The following ATP8A2 variants were observed in gnomAD, a reference collection of about 807,000 sequenced individuals.
ATP8A2 encodes the protein ATPase phospholipid transporting 8A2.
A neutral mutation model predicts 165.6 loss-of-function variants in ATP8A2; 100 were observed. The ratio of observed to expected loss-of-function variants is 0.60; its 90% CI spans 0.51 to 0.71. The LOEUF (loss-of-function observed/expected upper bound fraction) is 0.71, where lower values mean the gene tolerates loss of function less well. ATP8A2 is among the 30% of genes least tolerant of loss of function. The pLI is 0.00. For missense variants in ATP8A2, 1,227 were observed against 1,479.5 expected (o/e 0.83, Z 2.80); for synonymous variants, 543 against 548.8 (o/e 0.99, Z 0.15).
intron 35 of ATP8A2, among the ~76,000 whole-genome samples, chr13:25,977,026 T>TCCCCCCCCACCCCCACCC (rs1566319946): frequency 1.1e-4 from 14 of 125,364 alleles, no homozygotes; most frequent in African/African-American, 2.9e-4. Context: ...GACCTTGTGA[T>TCCCCCCCCACCCCCACCC]CCACCCCCAC....
intron 24 of ATP8A2, among the ~76,000 whole-genome samples, chr13:25,600,120 A>T (rs2040343083): frequency 1.3e-5 from 2 of 152,212 alleles, no homozygotes; most frequent in Admixed American, 1.3e-4. Flanking sequence ...TAGGGCAGGG[A>T]TTGGCAAAGT....
rs1957144553 is a variant in ATP8A2 at position 26,025,134 on chromosome 13, A to G, written c.*5149A>G. On this transcript the variant is annotated 3_prime_UTR_variant, in exon 37 of 37. Coordinates refer to ENST00000381655, the MANE Select transcript of ATP8A2 (RefSeq NM_016529.6). ...ACAACAACAAAAAAAAAAAAAAAAA[A>G]AAAGGAAGAAAAGAAAAAAAGGAAA... The G allele has an allele frequency of 6.6e-6, 1 of 151,706 alleles. No individual in the cohort carries two copies. The allele number at this position is 151,706 out of a possible 1,614,324, so 9.4% of individuals were successfully genotyped here. A position where few individuals can be genotyped will look rare whatever the true frequency, so the allele number is the denominator to read the frequency against.
chr13:25,837,437 ACACAC>A (rs1462478047), intron 29 of ATP8A2, 152 bp downstream of exon 29: 3 of 512,936 alleles, frequency 5.8e-6, no homozygotes, highest in Non-Finnish European at 3.3e-6. Flanking sequence ...ACACACACAC[ACACAC>A]ACACACACAC....
At chr13:25,900,843 G>A (rs953776354) in intron 33 of ATP8A2, among the ~76,000 whole-genome samples, 4 of 152,168 alleles carry the variant, frequency 2.6e-5, no homozygotes, top group African/African-American at 7.2e-5. Flanking sequence ...TGGAAAACAC[G>A]GGAGAAGAGG....
chr13:25,853,418 TATATAG>T (rs1381881614), intron 30 of ATP8A2, among the ~76,000 whole-genome samples: 5 of 144,744 alleles, frequency 3.5e-5, no homozygotes, highest in African/African-American at 1.0e-4. Context: ...TATGTATATA[TATATAG>T]AATTTCTTAT....
At chr13:26,001,433 A>G (rs1593697714) in intron 35 of ATP8A2, among the ~76,000 whole-genome samples, 1 of 152,200 alleles carries the variant, frequency 6.6e-6, no homozygotes, top group East Asian at 1.9e-4. Flanking sequence ...TTCTGTGTCT[A>G]ACTTACCAAG....
At chr13:25,471,368 G>A (rs1482937564) in intron 2 of ATP8A2, among the ~76,000 whole-genome samples, 1 of 117,934 alleles carries the variant, frequency 8.5e-6, no homozygotes, top group Non-Finnish European at 1.8e-5. Flanking sequence ...TTTTTTTTTT[G>A]GAGATGGAGT....
chr13:25,703,232 A>G (rs1035069650), intron 25 of ATP8A2, among the ~76,000 whole-genome samples: 2 of 152,010 alleles, frequency 1.3e-5, no homozygotes, highest in African/African-American at 4.8e-5. Context: ...GGCGCACACC[A>G]CTATGCCCAA....
chr13:25,590,145 C>G (rs1423517491), intron 24 of ATP8A2, among the ~76,000 whole-genome samples: 3 of 152,128 alleles, frequency 2.0e-5, no homozygotes, highest in Non-Finnish European at 4.4e-5. Context: ...TATAGTGAGG[C>G]CAGGTGCAGT....
rs778309620 is a variant in ATP8A2 at position 25,553,796 on chromosome 13, C to G, written c.1061C>G (p.Thr354Ser). The G allele has an allele frequency of 5.6e-6, 9 of 1,612,374 alleles. No homozygotes were observed. The highest frequency in any genetic ancestry group is 7.6e-6 in the Non-Finnish European group (9 of 1,179,364). The change falls in exon 12 of 37, where the codon ACC becomes AGC. Residue 354 changes from threonine to serine, a missense_variant. Around this residue, in one of 5 missense-constraint regions of ATP8A2, gnomAD observed 592 missense variants for 785.6 expected, o/e 0.75. Coordinates refer to ENST00000381655, the MANE Select transcript of ATP8A2 (RefSeq NM_016529.6). Reference sequence around the variant, plus strand: ...ATACTCTGGTTTCCTTCCACAGACACCACCTCAGATAATTTTGGATACAAC... The same window carrying G: ...ATACTCTGGTTTCCTTCCACAGACAGCACCTCAGATAATTTTGGATACAAC... ...EKNWYIKKMD[T>S]TSDNFGYNLL...
intron 24 of ATP8A2, among the ~76,000 whole-genome samples, chr13:25,631,470 G>T (rs1469362766): frequency 6.6e-6 from 1 of 152,080 alleles, no homozygotes; most frequent in Non-Finnish European, 1.5e-5. Context: ...GTCTTAAGTT[G>T]ATTTGAGGAT....
intron 27 of ATP8A2, among the ~76,000 whole-genome samples, chr13:25,777,280 C>T (rs2044764208): frequency 6.6e-6 from 1 of 152,120 alleles, no homozygotes; most frequent in African/African-American, 2.4e-5. Flanking sequence ...TGGTTAGAGC[C>T]TTGACTCAGG....
chr13:25,411,550 A>C (rs1333476634), intron 1 of ATP8A2, among the ~76,000 whole-genome samples: 1 of 152,218 alleles, frequency 6.6e-6, no homozygotes, highest in African/African-American at 2.4e-5. Flanking sequence ...GACTGAGAAG[A>C]CTGGCTTAAC....
intron 1 of ATP8A2, among the ~76,000 whole-genome samples, chr13:25,450,365 ATT>A (rs10562122): frequency 0.47 from 72,002 of 151,898 alleles, 17,284 homozygotes; most frequent in East Asian, 0.69. Context: ...GTTGAATGGT[ATT>A]TTTCTGTCTT....
At chr13:25,843,591 A>G (rs1593436465) in intron 30 of ATP8A2, among the ~76,000 whole-genome samples, 2 of 152,222 alleles carry the variant, frequency 1.3e-5, no homozygotes, top group African/African-American at 4.8e-5. Context: ...ATGGGCCCTC[A>G]CCTGACACCA....
chr13:25,883,884 T>A (rs1308706216), intron 33 of ATP8A2, among the ~76,000 whole-genome samples: 3 of 152,190 alleles, frequency 2.0e-5, no homozygotes, highest in Non-Finnish European at 4.4e-5. Flanking sequence ...TTGAGCGACC[T>A]TCTTGGTGGA....
chr13:25,426,127 G>A (rs2034443560), intron 1 of ATP8A2, among the ~76,000 whole-genome samples: 1 of 152,160 alleles, frequency 6.6e-6, no homozygotes, highest in African/African-American at 2.4e-5. Context: ...CCATTCTGGT[G>A]TTGCTATAAA....
At chr13:25,941,972 T>G (rs1276558946) in intron 33 of ATP8A2, among the ~76,000 whole-genome samples, 3 of 152,270 alleles carry the variant, frequency 2.0e-5, no homozygotes, top group Admixed American at 1.3e-4. Flanking sequence ...ACTGTTTTCA[T>G]GCATGTATTC....
chr13:25,949,222 C>T (rs1347137751), intron 33 of ATP8A2, among the ~76,000 whole-genome samples: 1 of 152,244 alleles, frequency 6.6e-6, no homozygotes, highest in Non-Finnish European at 1.5e-5. Flanking sequence ...GGCAGGAGAA[C>T]AGCTTTAGTC....
Sources: gnomAD v4.1 joint callset for allele counts (sites outside exome capture counted in the v4.1 genomes callset) on GRCh38, gnomAD v4.1.1 for gene constraint, gnomAD v4.1.1 regional missense constraint, MANE v1.5 for transcripts, NCBI Gene and HGNC (gene_info 2026-07-23, HGNC 2026-07-21) for gene names.